ING5: variants seen among roughly 807,000 people sequenced by gnomAD.
ING5 encodes inhibitor of growth family member 5.
In ING5, 17 loss-of-function variants were observed where a neutral mutation model predicts 37.4. That is an observed-to-expected ratio of 0.45 (90% CI 0.31 to 0.68). The LOEUF is 0.68. Among genes scored for constraint, ING5 ranks in the 30% least tolerant of loss-of-function variants. The pLI, the probability that ING5 is intolerant of heterozygous loss-of-function variation, is 0.05. For synonymous variants in ING5, 123 were observed against 116.6 expected (o/e 1.06, Z -0.36); for missense variants, 233 against 311.9 (o/e 0.75, Z 1.91).
intron 5 of ING5, among the ~76,000 whole-genome samples, chr2:241,713,542 T>G (rs1235618115): frequency 6.6e-6 from 1 of 151,444 alleles, no homozygotes; most frequent in Non-Finnish European, 1.5e-5. Flanking sequence ...AGCCAATTTT[T>G]TTTTATTTTT....
intron 2 of ING5, among the ~76,000 whole-genome samples, chr2:241,707,476 G>A (rs2069956251): frequency 6.6e-6 from 1 of 151,682 alleles, no homozygotes. Context: ...ATTTTAAGTA[G>A]AGACGGGGTT....
intron 3 of ING5, 127 bp from the exon 4 acceptor site, chr2:241,711,250 G>C: frequency 1.9e-6 from 1 of 536,862 alleles, no homozygotes; most frequent in Non-Finnish European, 3.2e-6. Flanking sequence ...TGTTTTAGCA[G>C]AGGTTTGTTC....
chr2:241,717,970 C>T (rs1189350556), intron 5 of ING5, among the ~76,000 whole-genome samples: 1 of 152,152 alleles, frequency 6.6e-6, no homozygotes, highest in East Asian at 1.9e-4. Context: ...TGCTTACTTT[C>T]TGCAAGCTTT....
intron 5 of ING5, among the ~76,000 whole-genome samples, chr2:241,716,386 A>G (rs1559309867): frequency 7.0e-6 from 1 of 142,596 alleles, no homozygotes; most frequent in African/African-American, 2.6e-5. Flanking sequence ...TCTGCTTCCC[A>G]GGTTCAAGCG....
chr2:241,716,280 G>GC (rs2070265062), intron 5 of ING5, among the ~76,000 whole-genome samples: 7 of 116,220 alleles, frequency 6.0e-5, no homozygotes, highest in African/African-American at 2.4e-4. Flanking sequence ...TATTAGCCAT[G>GC]CTTTTTTTTT....
At chr2:241,721,121 T>A in intron 5 of ING5, 1 of 985,572 alleles carries the variant, frequency 1.0e-6, no homozygotes, top group Non-Finnish European at 1.2e-6. Flanking sequence ...CGGGGACGGT[T>A]GGCAGCAGAG....
upstream of ING5, among the ~76,000 whole-genome samples, chr2:241,700,957 T>C (rs2069708309): frequency 7.4e-6 from 1 of 135,164 alleles, no homozygotes; most frequent in Non-Finnish European, 1.5e-5. Context: ...TTCTCCAGTA[T>C]TTTTTTTTTC....
chr2:241,723,345 G>C, intron 7 of ING5, 74 bp downstream of exon 7: 1 of 1,499,664 alleles, frequency 6.7e-7, no homozygotes, highest in Non-Finnish European at 9.3e-7. Context: ...CCAGGAGAAG[G>C]TGCTCCATGG....
At chr2:241,711,619 G>C in intron 4 of ING5, 131 bp downstream of exon 4, 1 of 714,298 alleles carries the variant, frequency 1.4e-6, no homozygotes, top group South Asian at 2.0e-5. Flanking sequence ...TTGTCTTGCA[G>C]GCTGGGTGTG....
chr2:241,725,035 G>GAGCT lies in ING5; in HGVS notation c.*5_*8dup, dbSNP rs1559315913. The GAGCT allele has an allele frequency of 6.2e-7, 1 of 1,614,070 alleles. No individual in the cohort carries two copies. Among genetic ancestry groups the GAGCT allele is most frequent in the East Asian group, 2.2e-5 (1 of 44,880 alleles). ...GGAAAAGAGGAAGAAGAAGTAGGAGGAGCTGTGTGCCCGGATCCGAGGAGC... is the reference window on the plus strand; with the variant it reads ...GGAAAAGAGGAAGAAGAAGTAGGAGGAGCTAGCTGTGTGCCCGGATCCGAGGAGC... On this transcript the variant is annotated 3_prime_UTR_variant, in exon 8 of 8. Coordinates refer to ENST00000313552, the MANE Select transcript of ING5 (RefSeq NM_032329.6).
In ING5 at chr2:241,724,812, G is replaced by A. The variant is rs954566335; in HGVS notation, c.681-177G>A. 1.2e-4 allele frequency: 74 copies of A among 619,192 alleles called. No homozygotes were observed. In the Middle Eastern group the frequency reaches 1.3e-3, roughly 11 times the overall value. The allele number at this position is 619,192 out of a possible 1,614,324, so 38.4% of individuals were successfully genotyped here. Reference sequence around the variant, plus strand: ...CAGAACCGGCGTCCTGCATAGAGCCGCACGTGCATCGGCGCATTTTCCCTG... The same window carrying A: ...CAGAACCGGCGTCCTGCATAGAGCCACACGTGCATCGGCGCATTTTCCCTG... On this transcript the variant is annotated intron_variant, in intron 7 of 7. Coordinates refer to ENST00000313552, the MANE Select transcript of ING5 (RefSeq NM_032329.6).
Position 241,726,869 on chromosome 2 carries a change from A to G in ING5, c.*1838A>G, listed in dbSNP as rs1691641389. On this transcript the variant is annotated 3_prime_UTR_variant, in exon 8 of 8. Coordinates refer to ENST00000313552, the MANE Select transcript of ING5 (RefSeq NM_032329.6). The stretch of plus-strand genomic sequence containing the variant: ...GAGAGCAGTGGCGTGATCTCGGCTC[A>G]CTGCAAGCTCCGCCTCCCGGGTTCA... The G allele has an allele frequency of 6.6e-6, 1 of 151,946 alleles. No homozygotes were observed. Among genetic ancestry groups the G allele is most frequent in the African/African-American group, 2.4e-5 (1 of 41,306 alleles). 9.4% of individuals were successfully genotyped at this position (151,946 alleles called of 1,614,324 possible).
chr2:241,718,146 G>A (rs996897928), intron 5 of ING5, among the ~76,000 whole-genome samples: 13 of 152,212 alleles, frequency 8.5e-5, no homozygotes, highest in Admixed American at 7.2e-4. Flanking sequence ...CCAAGTAGCT[G>A]GGATTACAGG....
At chr2:241,700,273 C>G (rs79433953), upstream of ING5, among the ~76,000 whole-genome samples, 18,310 of 151,376 alleles carry the variant, frequency 0.12, 1,301 homozygotes, top group East Asian at 0.33. Context: ...TCTCCTGCCT[C>G]GGCCGCCCGA....
chr2:241,695,655 C>T (rs971900364), intron 2 of ING5, among the ~76,000 whole-genome samples: 2 of 152,140 alleles, frequency 1.3e-5, no homozygotes, highest in African/African-American at 4.8e-5. Context: ...CACCACACTC[C>T]AGCCTGGGTG....
upstream of ING5, among the ~76,000 whole-genome samples, chr2:241,700,960 T>A (rs1027304015): frequency 1.4e-5 from 2 of 145,932 alleles, no homozygotes; most frequent in African/African-American, 4.9e-5. Flanking sequence ...TCCAGTATTT[T>A]TTTTTTCTTA....
intron 5 of ING5, chr2:241,720,002 A>C (rs775495551): frequency 8.0e-6 from 10 of 1,247,194 alleles, no homozygotes; most frequent in Admixed American, 4.0e-5. Context: ...GTCCCATTGC[A>C]AGACGTCGAG....
chr2:241,698,133 T>C (rs1330454169), upstream of ING5, among the ~76,000 whole-genome samples: 1 of 131,530 alleles, frequency 7.6e-6, no homozygotes, highest in Non-Finnish European at 1.6e-5. Flanking sequence ...ATGGAAATAA[T>C]GATGGACTTT....
At chr2:241,704,554 G>A (rs1363355673) in intron 1 of ING5, 99 bp from the exon 2 acceptor site, 18 of 979,750 alleles carry the variant, frequency 1.8e-5, no homozygotes, top group Non-Finnish European at 2.1e-5. Flanking sequence ...GGCAACAAGA[G>A]TGAAACTCCA....
Sources: gnomAD v4.1 joint callset for allele counts (sites outside exome capture counted in the v4.1 genomes callset) on GRCh38, gnomAD v4.1.1 for gene constraint, MANE v1.5 for transcripts, NCBI Gene and HGNC (gene_info 2026-07-23, HGNC 2026-07-21) for gene names.